SESTD1: variants seen among roughly 807,000 people sequenced by gnomAD.
SESTD1 encodes SEC14 domain and spectrin repeat-containing protein 1.
Under a neutral mutation model 101.7 loss-of-function variants are expected in SESTD1, and 43 were observed. That is an observed-to-expected ratio of 0.42 (90% CI 0.33 to 0.55). The LOEUF (loss-of-function observed/expected upper bound fraction) is 0.55, where lower values mean the gene tolerates loss of function less well. Ranked by LOEUF, SESTD1 falls within the 20% of genes least tolerant of loss-of-function variation. The pLI, the probability that SESTD1 is intolerant of heterozygous loss-of-function variation, is 0.07. For missense variants in SESTD1, 647 were observed against 815.1 expected, an observed-to-expected ratio of 0.79 and a Z score of 2.51; for synonymous variants, 283 against 286.8, an observed-to-expected ratio of 0.99 and a Z score of 0.13.
At chr2:179,201,794 G>A (rs1286016811) in intron 1 of SESTD1, among the ~76,000 whole-genome samples, 1 of 129,896 alleles carries the variant, frequency 7.7e-6, no homozygotes, top group Non-Finnish European at 1.6e-5. Context: ...TAGGGGGGAG[G>A]GATAGCATTG....
At chr2:179,151,512 T>C in intron 5 of SESTD1, 121 bp from the exon 6 acceptor site, 1 of 542,788 alleles carries the variant, frequency 1.8e-6, no homozygotes, top group Non-Finnish European at 3.1e-6. Flanking sequence ...TGACACATTA[T>C]CATTTACTTA....
intron 17 of SESTD1, among the ~76,000 whole-genome samples, 179 bp from the exon 18 acceptor site, chr2:179,110,207 A>T (rs1246952962): frequency 6.6e-6 from 1 of 152,198 alleles, no homozygotes; most frequent in African/African-American, 2.4e-5. Context: ...AACATTTTTT[A>T]AAATGGCATA....
chr2:179,169,399 A>G (rs2045892044), intron 5 of SESTD1, among the ~76,000 whole-genome samples: 1 of 152,172 alleles, frequency 6.6e-6, no homozygotes, highest in South Asian at 2.1e-4. Context: ...AGACATAGCT[A>G]TCCTAAATCT....
intron 1 of SESTD1, among the ~76,000 whole-genome samples, chr2:179,246,623 C>G (rs1308432322): frequency 6.6e-6 from 1 of 152,120 alleles, no homozygotes; most frequent in Non-Finnish European, 1.5e-5. Context: ...CAGTCTACCA[C>G]AAAACAGGAG....
intron 5 of SESTD1, among the ~76,000 whole-genome samples, chr2:179,158,745 C>T (rs1342620923): frequency 2.6e-5 from 4 of 152,160 alleles, no homozygotes; most frequent in African/African-American, 7.2e-5. Flanking sequence ...TTTATACAAT[C>T]CATATTCTTA....
chr2:179,121,798 T>C lies in SESTD1; in HGVS notation c.1414A>G (p.Met472Val). Residue 472 changes from methionine (M) to valine (V), a missense_variant, in exon 13 of 18, where the codon ATG becomes GTG. Met to Val is a conservative substitution (Grantham distance 21). Coordinates refer to ENST00000428443, the MANE Select transcript of SESTD1 (RefSeq NM_178123.5). The stretch of plus-strand genomic sequence containing the variant: ...TGTTTTCTAAGCTGCATATCTTCCA[T>C]CACTCCTTGTATGTGGTCCACATTT... ...KENVDHIQGV[M>V]EDMQLRKQRC... 2 of 1,596,498 alleles carry C rather than the reference T, an allele frequency of 1.3e-6. No individual in the cohort carries two copies. The highest frequency in any genetic ancestry group is 1.8e-5 in the Admixed American group (1 of 56,846).
At chr2:179,217,523 T>C (rs1038614754) in intron 1 of SESTD1, among the ~76,000 whole-genome samples, 2 of 152,214 alleles carry the variant, frequency 1.3e-5, no homozygotes, top group African/African-American at 4.8e-5. Flanking sequence ...TTTTACACTG[T>C]TGGTGGGAGT....
chr2:179,259,254 CAG>C (rs1249333374), intron 1 of SESTD1, among the ~76,000 whole-genome samples: 2 of 151,912 alleles, frequency 1.3e-5, no homozygotes, highest in Non-Finnish European at 2.9e-5. Context: ...GTTTTTGAGA[CAG>C]AGTCTCACTC....
chr2:179,111,256 C>T (rs932238385), intron 17 of SESTD1, among the ~76,000 whole-genome samples: 12 of 152,138 alleles, frequency 7.9e-5, no homozygotes, highest in African/African-American at 2.4e-4. Context: ...CTTGAGATAA[C>T]GTAAGTATAG....
intron 5 of SESTD1, chr2:179,162,577 T>C (rs2045755953): frequency 6.9e-6 from 1 of 144,988 alleles, no homozygotes; most frequent in African/African-American, 2.8e-5. Context: ...CAGACATTAT[T>C]ACTGAGTGTT....
chr2:179,203,195 C>T (rs1022209653), intron 1 of SESTD1, among the ~76,000 whole-genome samples: 2 of 135,098 alleles, frequency 1.5e-5, no homozygotes, highest in African/African-American at 2.9e-5. Context: ...TGACTCTATA[C>T]AATTTCCCTC....
Position 179,191,776 on chromosome 2 carries a change from A to C in SESTD1, c.55+11T>G, listed in dbSNP as rs747831525. On this transcript the variant is annotated intron_variant, in intron 2 of 17. Transcript: ENST00000428443. ...ATATCAAACACTTCAAATTTTAAGA[A>C]GAAATCATACCTGAAAGGAAGGCTA... The C allele has an allele frequency of 6.4e-5, 103 of 1,608,834 alleles. No homozygotes were observed. The East Asian group carries it at 1.8e-3, about 29-fold the overall frequency.
intron 1 of SESTD1, among the ~76,000 whole-genome samples, chr2:179,243,658 CA>C (rs1244798532): frequency 2.0e-5 from 3 of 150,622 alleles, no homozygotes; most frequent in Non-Finnish European, 4.4e-5. Context: ...AACAAAGAAA[CA>C]GAAAACCAAA....
At chr2:179,253,629 T>C (rs898695688) in intron 1 of SESTD1, among the ~76,000 whole-genome samples, 3 of 152,072 alleles carry the variant, frequency 2.0e-5, no homozygotes, top group African/African-American at 7.2e-5. Context: ...AGCAGCAATA[T>C]AGGAATAGGT....
rs565776675 is a variant in SESTD1, at chr2:179,207,702, T to C, written c.-25-15836A>G. 5.9e-5 allele frequency among the ~76,000 whole-genome samples: 8 copies of C among 135,232 alleles called. 3 individuals are homozygous for C. In the South Asian group the frequency reaches 8.4e-4, roughly 14 times the overall value. 88.7% of individuals were successfully genotyped at this position (135,232 alleles called of 152,430 possible). ...AGCACCACACCAAGGGATCACCCTGTAGGACAAAAGAATCTGAACAGCAGC... is the reference window on the plus strand; with the variant it reads ...AGCACCACACCAAGGGATCACCCTGCAGGACAAAAGAATCTGAACAGCAGC... On this transcript the variant is annotated intron_variant, in intron 1 of 17. Transcript: ENST00000428443.
At chr2:179,230,113 CTTTTTTTTTTTTTTTTTT>C (rs71023474) in intron 1 of SESTD1, among the ~76,000 whole-genome samples, 137 of 56,418 alleles carry the variant, frequency 2.4e-3, no homozygotes, top group Middle Eastern at 0.026. Flanking sequence ...GATTGTATCT[CTTTTTTTTTTTTTTTTTT>C]TTTTTTTTTT....
At chr2:179,113,407 A>ATGAT (rs2044555872) in intron 16 of SESTD1, among the ~76,000 whole-genome samples, 1 of 152,320 alleles carries the variant, frequency 6.6e-6, no homozygotes, top group South Asian at 2.1e-4. Flanking sequence ...CTGCCATAAA[A>ATGAT]TGATTAGGTT....
chr2:179,192,256 GAATC>G (rs925972398), intron 1 of SESTD1, among the ~76,000 whole-genome samples: 1 of 152,168 alleles, frequency 6.6e-6, no homozygotes, highest in Non-Finnish European at 1.5e-5. Context: ...ATAAACAAAT[GAATC>G]AATCAAACAG....
intron 5 of SESTD1, among the ~76,000 whole-genome samples, chr2:179,163,015 CAAATAATTGTTGTCT>C (rs1170175547): frequency 1.3e-5 from 2 of 150,806 alleles, no homozygotes; most frequent in Non-Finnish European, 3.0e-5. Flanking sequence ...AGAATAAAGG[CAAATAATTGTTGTCT>C]AACGAGATTG....
Sources: gnomAD v4.1 joint callset for allele counts (sites outside exome capture counted in the v4.1 genomes callset) on GRCh38, gnomAD v4.1.1 for gene constraint, MANE v1.5 for transcripts, NCBI Gene and HGNC (gene_info 2026-07-23, HGNC 2026-07-21) for gene names.